The following XAF1 variants were observed in gnomAD, a reference collection of about 807,000 sequenced individuals.
XAF1 encodes the protein XIAP-associated factor 1.
In XAF1, 32 loss-of-function variants were observed where a neutral mutation model predicts 32.3. The observed-to-expected ratio is 0.99, with a 90% CI of 0.75 to 1.33. XAF1 has a LOEUF of 1.33. Ranked by LOEUF, XAF1 falls within the 40% of genes most tolerant of loss-of-function variation. XAF1 has a pLI of 0.00. For missense variants in XAF1, 379 were observed against 366.0 expected, an observed-to-expected ratio of 1.04 and a Z score of -0.29; for synonymous variants, 120 against 125.9, an observed-to-expected ratio of 0.95 and a Z score of 0.31.
intron 5 of XAF1, among the ~76,000 whole-genome samples, chr17:6,768,148 A>T (rs1975755541): frequency 6.6e-6 from 1 of 151,002 alleles, no homozygotes. Context: ...TTTGAGACAA[A>T]AGTCTCACTC....
intron 5 of XAF1, among the ~76,000 whole-genome samples, chr17:6,765,233 G>A (rs1975514015): frequency 6.6e-6 from 1 of 152,112 alleles, no homozygotes; most frequent in Non-Finnish European, 1.5e-5. Context: ...CTAACACAGT[G>A]AACTCTCGTC....
chr17:6,761,970 G>A, intron 4 of XAF1, 185 bp from the exon 5 acceptor site: 1 of 1,530,422 alleles, frequency 6.5e-7, no homozygotes, highest in Non-Finnish European at 8.8e-7. Context: ...AGGAAATGAT[G>A]TGGGTGATTC....
chr17:6,760,696 T>C, intron 4 of XAF1, 95 bp downstream of exon 4: 2 of 1,249,274 alleles, frequency 1.6e-6, no homozygotes, highest in Non-Finnish European at 2.2e-6. Context: ...ACAGGACGGA[T>C]GACAAGTGTA....
chr17:6,761,163 AAG>A (rs1491139015), intron 4 of XAF1, among the ~76,000 whole-genome samples: 7 of 152,050 alleles, frequency 4.6e-5, no homozygotes, highest in African/African-American at 1.7e-4. Context: ...TCAAAAAAAA[AAG>A]GGGGGGACCA....
chr17:6,759,825 CTT>C (rs71157213), intron 3 of XAF1, 107 bp downstream of exon 3: 1 of 1,580,488 alleles, frequency 6.3e-7, no homozygotes, highest in Non-Finnish European at 8.6e-7. Flanking sequence ...CCTGACCACT[CTT>C]TTCACCCCAT....
rs1567667108 is a variant in XAF1 at position 6,774,592 on chromosome 17, A to G, written c.*1423A>G. 1 of 152,234 alleles carries G rather than the reference A, an allele frequency of 6.6e-6. No homozygotes were observed. Among genetic ancestry groups the G allele is most frequent in the Non-Finnish European group, 1.5e-5 (1 of 68,034 alleles). 9.4% of individuals were successfully genotyped at this position (152,234 alleles called of 1,614,324 possible). A position where few individuals can be genotyped will look rare whatever the true frequency, so the allele number is the denominator to read the frequency against. ...TGGGACATGATTAAACAGAATTACC[A>G]TTTGACTCAGCAATCCCATTATTGG... On this transcript the variant is annotated 3_prime_UTR_variant, in exon 7 of 7. Coordinates refer to ENST00000361842, the MANE Select transcript of XAF1 (RefSeq NM_017523.5).
chr17:6,770,318 G>A (rs991413864), intron 5 of XAF1, among the ~76,000 whole-genome samples: 1 of 152,106 alleles, frequency 6.6e-6, no homozygotes, highest in Non-Finnish European at 1.5e-5. Context: ...TCTTTTATAA[G>A]GACCCTAATC....
chr17:6,767,970 T>G (rs759852151), intron 5 of XAF1, among the ~76,000 whole-genome samples: 11 of 152,216 alleles, frequency 7.2e-5, no homozygotes, highest in Non-Finnish European at 1.6e-4. Context: ...GAGAACATGT[T>G]AACACTGTAA....
chr17:6,762,051 G>A (rs766242822), intron 4 of XAF1, 104 bp from the exon 5 acceptor site: 3 of 1,579,694 alleles, frequency 1.9e-6, no homozygotes, highest in Non-Finnish European at 1.7e-6. Flanking sequence ...GGTCCGGGGG[G>A]CAGTTCGTGC....
Position 6,770,703 on chromosome 17 carries a change from C to A in XAF1, c.568C>A (p.Leu190Ile). 6.2e-7 allele frequency: 1 copy of A among 1,610,580 alleles called. No homozygotes were observed. Among genetic ancestry groups the A allele is most frequent in the Non-Finnish European group, 8.5e-7 (1 of 1,179,154 alleles). ...KHFPVGNPEILPSSLPSQAAE... is the reference protein window; with the variant it reads ...KHFPVGNPEIIPSSLPSQAAE... ...CTTTCCTGTTGGAAATCCAGAAATT[C>A]TTCCTTCATCTCTTCCAAGTCAAGC... The change falls in exon 6 of 7, where the codon CTT becomes ATT. Residue 190 changes from leucine to isoleucine, a missense_variant. By Grantham distance (5) the Leu-to-Ile change is conservative. Transcript: ENST00000361842.
intron 1 of XAF1, 165 bp downstream of exon 1, chr17:6,756,275 G>T: frequency 1.5e-6 from 2 of 1,358,004 alleles, no homozygotes; most frequent in Non-Finnish European, 9.6e-7. Flanking sequence ...GTTTAAACTT[G>T]GTAATCTCTG....
chr17:6,764,818 C>T (rs1295381110), intron 5 of XAF1, among the ~76,000 whole-genome samples: 1 of 152,172 alleles, frequency 6.6e-6, no homozygotes, highest in Non-Finnish European at 1.5e-5. Flanking sequence ...CAGTCTGGCT[C>T]TCCATTTTAA....
At chr17:6,759,757 G>C (rs1441493276) in intron 3 of XAF1, 39 bp downstream of exon 3, 1 of 1,613,684 alleles carries the variant, frequency 6.2e-7, no homozygotes, top group African/African-American at 1.3e-5. Flanking sequence ...CAGCCAAATA[G>C]ACCAACCTGA....
intron 3 of XAF1, chr17:6,759,924 G>A (rs974981134): frequency 1.2e-6 from 1 of 811,498 alleles, no homozygotes. Context: ...GTTTTCCATG[G>A]TCCATGAGTC....
intron 2 of XAF1, 43 bp from the exon 3 acceptor site, chr17:6,759,619 A>G (rs1597719681): frequency 6.2e-7 from 1 of 1,603,040 alleles, no homozygotes; most frequent in South Asian, 1.1e-5. Context: ...TGCTGGGTGG[A>G]CCCACATCTG....
chr17:6,755,970 A>G, upstream of XAF1: 1 of 1,595,904 alleles, frequency 6.3e-7, no homozygotes. Flanking sequence ...AGAATTCTGA[A>G]GATCTCCTCC....
Position 6,770,649 on chromosome 17 carries a change from T to C in XAF1, c.514T>C (p.Cys172Arg). ...ENKYFHHMGK[C>R]CPDSEFKKHF... ...ATATTATTCACAATTGCAGGGTAAA[T>C]GTTGTCCAGACTCAGAGTTTAAGAA... is the stretch of plus-strand genomic sequence containing the variant. The change falls in exon 6 of 7, where the codon TGT becomes CGT. Residue 172 changes from cysteine to arginine, a missense_variant. Coordinates refer to ENST00000361842, the MANE Select transcript of XAF1 (RefSeq NM_017523.5). 6.3e-7 allele frequency: 1 copy of C among 1,585,022 alleles called. No homozygotes were observed. Among genetic ancestry groups the C allele is most frequent in the Non-Finnish European group, 8.5e-7 (1 of 1,169,956 alleles).
chr17:6,762,077 A>T, intron 4 of XAF1, 78 bp from the exon 5 acceptor site: 3 of 1,606,126 alleles, frequency 1.9e-6, no homozygotes, highest in Non-Finnish European at 2.6e-6. Flanking sequence ...AGCACAGGCC[A>T]TGTATGCAGT....
At chr17:6,761,924 G>A in intron 4 of XAF1, 1 of 1,508,674 alleles carries the variant, frequency 6.6e-7, no homozygotes, top group Non-Finnish European at 8.9e-7. Context: ...CTCCATTACG[G>A]TTGCTGCTGC....
Sources: gnomAD v4.1 joint callset for allele counts (sites outside exome capture counted in the v4.1 genomes callset) on GRCh38, gnomAD v4.1.1 for gene constraint, MANE v1.5 for transcripts, NCBI Gene and HGNC (gene_info 2026-07-23, HGNC 2026-07-21) for gene names.